The following DHRSX variants were observed in gnomAD, a reference collection of about 807,000 sequenced individuals.
DHRSX encodes dehydrogenase/reductase X-linked.
A neutral mutation model predicts 34.0 loss-of-function variants in DHRSX; 31 were observed. The observed-to-expected ratio is 0.91, with a 90% CI of 0.69 to 1.23. DHRSX has a LOEUF of 1.23. Ranked by LOEUF, DHRSX falls within the 50% of genes most tolerant of loss-of-function variation. The probability of loss-of-function intolerance (pLI) is 0.00; values close to 1 mark genes in which losing one functional copy is unlikely to be tolerated. For missense variants in DHRSX, 414 were observed against 428.1 expected, an observed-to-expected ratio of 0.97 and a Z score of 0.29; for synonymous variants, 201 against 183.8, an observed-to-expected ratio of 1.09 and a Z score of -0.76.
intron 3 of DHRSX, among the ~76,000 whole-genome samples, chrX:2,351,318 C>T (rs1053991591): frequency 2.6e-5 from 4 of 152,288 alleles, no homozygotes; most frequent in African/African-American, 9.6e-5. Context: ...ATGAGACTGG[C>T]CAACTTTCCC....
intron 1 of DHRSX, among the ~76,000 whole-genome samples, chrX:2,473,350 G>A (rs1223173225): frequency 1.3e-5 from 2 of 152,180 alleles, no homozygotes; most frequent in African/African-American, 4.8e-5. Context: ...GCCGCCAGGC[G>A]CGGGGGCTCA....
chrX:2,293,548 G>T (rs2041892536), intron 3 of DHRSX, among the ~76,000 whole-genome samples: 1 of 152,144 alleles, frequency 6.6e-6, no homozygotes, highest in South Asian at 2.1e-4. Context: ...GTTCTGAAAG[G>T]TGAGGATGGG....
At chrX:2,431,446 C>T (rs192944344) in intron 1 of DHRSX, among the ~76,000 whole-genome samples, 7 of 152,128 alleles carry the variant, frequency 4.6e-5, no homozygotes, top group Admixed American at 2.6e-4. Flanking sequence ...ACACACAGTA[C>T]GTGTGTCTTT....
At position 2,489,789 on chromosome X, in the gene DHRSX, G is replaced by A. The variant is rs746581834; in HGVS notation, c.109+11028C>T. The A allele has an allele frequency of 3.1e-6, 5 of 1,613,452 alleles. No homozygotes were observed. In the South Asian group the frequency reaches 4.4e-5, roughly 14 times the overall value. On this transcript the variant is annotated intron_variant, in intron 1 of 6. Transcript: ENST00000334651. The stretch of plus-strand genomic sequence containing the variant: ...ACCAGTTTGCGGCAGCGCGACAGCA[G>A]CGCCCCCAGCTTCGGGAGCTGGAAG...
At chrX:2,256,989 G>A (rs1040336351) in intron 5 of DHRSX, among the ~76,000 whole-genome samples, 6 of 152,042 alleles carry the variant, frequency 3.9e-5, no homozygotes, top group African/African-American at 1.2e-4. Flanking sequence ...TTGCTTTGCA[G>A]CCCAGGCTGG....
At chrX:2,373,753 T>C (rs1181325485) in intron 3 of DHRSX, among the ~76,000 whole-genome samples, 1 of 151,982 alleles carries the variant, frequency 6.6e-6, no homozygotes, top group Admixed American at 6.6e-5. Context: ...CGCACCCACA[T>C]AGAGTTTGCA....
chrX:2,266,683 T>A, intron 5 of DHRSX, 57 bp downstream of exon 5: 4 of 1,538,012 alleles, frequency 2.6e-6, no homozygotes, highest in Non-Finnish European at 3.6e-6. Flanking sequence ...CAGAGGGAGA[T>A]GAATAACCTT....
chrX:2,420,830 A>C (rs1257233081), intron 2 of DHRSX, among the ~76,000 whole-genome samples: 1 of 152,012 alleles, frequency 6.6e-6, no homozygotes, highest in Non-Finnish European at 1.5e-5. Flanking sequence ...GATGGAAAGA[A>C]AGAGACTGAT....
chrX:2,430,049 C>G (rs2043898058), intron 1 of DHRSX, among the ~76,000 whole-genome samples: 1 of 151,706 alleles, frequency 6.6e-6, no homozygotes, highest in Non-Finnish European at 1.5e-5. Flanking sequence ...TGAAATGAGA[C>G]TTGGTCATCG....
At chrX:2,335,184 C>CA (rs34503888) in intron 3 of DHRSX, among the ~76,000 whole-genome samples, 48,087 of 116,154 alleles carry the variant, frequency 0.41, 10,544 homozygotes, top group Middle Eastern at 0.57. Context: ...GACTCCATCT[C>CA]AAAAAAAAAA....
At chrX:2,239,066 T>C (rs1255475412) in intron 6 of DHRSX, among the ~76,000 whole-genome samples, 1 of 152,204 alleles carries the variant, frequency 6.6e-6, no homozygotes, top group Non-Finnish European at 1.5e-5. Flanking sequence ...ATGCATATTC[T>C]TCTGCTCTAT....
chrX:2,380,626 G>T, intron 3 of DHRSX, among the ~76,000 whole-genome samples: 1 of 152,206 alleles, frequency 6.6e-6, no homozygotes. Context: ...TTGGATCATG[G>T]TGGCGGATTT....
chrX:2,308,474 A>C (rs370757580), intron 3 of DHRSX, among the ~76,000 whole-genome samples: 34 of 152,258 alleles, frequency 2.2e-4, no homozygotes, highest in African/African-American at 7.9e-4. Context: ...CCAAGTAGAA[A>C]TGGCCCTAGT....
At chrX:2,341,921 T>C (rs1244113830) in intron 3 of DHRSX, among the ~76,000 whole-genome samples, 1 of 152,044 alleles carries the variant, frequency 6.6e-6, no homozygotes, top group Non-Finnish European at 1.5e-5. Context: ...TCTCCTGCCT[T>C]AGCCTCCCAA....
At chrX:2,302,506 G>C (rs1159550633) in intron 3 of DHRSX, among the ~76,000 whole-genome samples, 1 of 152,158 alleles carries the variant, frequency 6.6e-6, no homozygotes, top group African/African-American at 2.4e-5. Context: ...CAGCTACTTG[G>C]ATGGCTGAGG....
intron 5 of DHRSX, among the ~76,000 whole-genome samples, chrX:2,253,043 G>A (rs2016468477): frequency 6.6e-6 from 1 of 152,238 alleles, no homozygotes; most frequent in African/African-American, 2.4e-5. Flanking sequence ...AAAAGTACCT[G>A]GGTGTGGTAA....
chrX:2,284,404 T>TTGAATGAA (rs750399883), intron 4 of DHRSX, among the ~76,000 whole-genome samples: 7 of 151,182 alleles, frequency 4.6e-5, no homozygotes, highest in Non-Finnish European at 8.8e-5. Flanking sequence ...ATGAATGAAT[T>TTGAATGAA]TGAATGAATG....
At chrX:2,475,895 T>G (rs1308785163) in intron 1 of DHRSX, among the ~76,000 whole-genome samples, 1 of 152,158 alleles carries the variant, frequency 6.6e-6, no homozygotes, top group Non-Finnish European at 1.5e-5. Context: ...AATGGGGTGG[T>G]GTAACTGCAG....
intron 1 of DHRSX, chrX:2,487,367 A>T (rs970786892): frequency 1.4e-5 from 2 of 144,762 alleles, no homozygotes; most frequent in Non-Finnish European, 3.1e-5. Flanking sequence ...TGAGCCACCC[A>T]CTTTTGTTTT....
Sources: gnomAD v4.1 joint callset for allele counts (sites outside exome capture counted in the v4.1 genomes callset) on GRCh38, gnomAD v4.1.1 for gene constraint, MANE v1.5 for transcripts, NCBI Gene and HGNC (gene_info 2026-07-23, HGNC 2026-07-21) for gene names.